Variants in NAALAD2 observed in about 807,000 individuals in gnomAD.
The protein encoded by NAALAD2 is N-acetylated alpha-linked acidic dipeptidase 2.
A neutral mutation model predicts 95.6 loss-of-function variants in NAALAD2; 89 were observed. That is an observed-to-expected ratio of 0.93 (90% CI 0.78 to 1.11). NAALAD2 has a LOEUF of 1.11. NAALAD2 is among the 50% of genes least tolerant of loss of function. The pLI, the probability that NAALAD2 is intolerant of heterozygous loss-of-function variation, is 0.00. For synonymous variants in NAALAD2, 264 were observed against 294.4 expected (o/e 0.90, Z 1.06); for missense variants, 894 against 872.4 (o/e 1.02, Z -0.31).
At chr11:90,169,991 AAAAT>A in intron 12 of NAALAD2, 74 bp from the exon 13 acceptor site, 2 of 902,118 alleles carry the variant, frequency 2.2e-6, no homozygotes, top group Non-Finnish European at 3.7e-6. Flanking sequence ...TTAAAATTAG[AAAAT>A]AAAGTTAGAA....
At chr11:90,134,970 ACT>A (rs1323878542) in intron 1 of NAALAD2, 130 bp downstream of exon 1, 38 of 921,978 alleles carry the variant, frequency 4.1e-5, no homozygotes, top group South Asian at 4.0e-4. Context: ...GATATGATAA[ACT>A]CTGCACATTT....
chr11:90,178,146 A>C (rs1041460307), intron 16 of NAALAD2, 29 bp downstream of exon 16: 1 of 1,584,428 alleles, frequency 6.3e-7, no homozygotes, highest in Non-Finnish European at 8.6e-7. Context: ...GATATTTTAC[A>C]GTCTTTAAGT....
chr11:90,143,270 C>G (rs909688104), intron 2 of NAALAD2, among the ~76,000 whole-genome samples: 1 of 152,038 alleles, frequency 6.6e-6, no homozygotes, highest in Admixed American at 6.6e-5. Flanking sequence ...AATGTGGAGT[C>G]TGATGGTGAC....
chr11:90,138,636 C>G (rs1464851476), intron 2 of NAALAD2, among the ~76,000 whole-genome samples: 1 of 151,182 alleles, frequency 6.6e-6, no homozygotes, highest in Non-Finnish European at 1.5e-5. Flanking sequence ...GTATTCATCT[C>G]CATCAAATCG....
intron 18 of NAALAD2, 94 bp downstream of exon 18, chr11:90,183,102 C>T: frequency 2.5e-6 from 2 of 784,804 alleles, no homozygotes; most frequent in Non-Finnish European, 2.3e-6. Flanking sequence ...GGGTGAAAGG[C>T]AAATATGTAC....
intron 16 of NAALAD2, among the ~76,000 whole-genome samples, chr11:90,179,128 A>G (rs1021531521): frequency 6.6e-6 from 1 of 152,238 alleles, no homozygotes; most frequent in Non-Finnish European, 1.5e-5. Context: ...TCAGTTTGGT[A>G]ATATATAGAA....
intron 5 of NAALAD2, 66 bp downstream of exon 5, chr11:90,150,673 C>T: frequency 7.6e-7 from 1 of 1,307,878 alleles, no homozygotes; most frequent in Non-Finnish European, 1.0e-6. Flanking sequence ...TGTAAATGAC[C>T]AACTTGCTTC....
chr11:90,160,605 A>C (rs370520433), intron 8 of NAALAD2, among the ~76,000 whole-genome samples: 80 of 152,278 alleles, frequency 5.3e-4, no homozygotes, highest in African/African-American at 1.8e-3. Flanking sequence ...TGCTCTTTTA[A>C]TTTGGGACTT....
intron 2 of NAALAD2, among the ~76,000 whole-genome samples, chr11:90,136,904 A>G (rs1951465220): frequency 6.6e-6 from 1 of 152,200 alleles, no homozygotes; most frequent in Non-Finnish European, 1.5e-5. Context: ...TTCCAAAGAG[A>G]TATGTGCACT....
intron 8 of NAALAD2, among the ~76,000 whole-genome samples, chr11:90,160,794 A>T (rs1952271568): frequency 6.6e-6 from 1 of 152,214 alleles, no homozygotes; most frequent in Admixed American, 6.5e-5. Flanking sequence ...AGGTCTAGAT[A>T]TAAAATAGCT....
intron 2 of NAALAD2, among the ~76,000 whole-genome samples, chr11:90,141,375 A>T (rs940017090): frequency 2.0e-5 from 3 of 152,268 alleles, no homozygotes; most frequent in African/African-American, 7.2e-5. Context: ...TATGTTTCCA[A>T]TTGTAGATCA....
intron 2 of NAALAD2, among the ~76,000 whole-genome samples, chr11:90,137,191 G>T (rs1194227646): frequency 6.6e-6 from 1 of 152,124 alleles, no homozygotes; most frequent in East Asian, 1.9e-4. Flanking sequence ...TAGAATGATG[G>T]TTACCAGAAA....
intron 4 of NAALAD2, among the ~76,000 whole-genome samples, chr11:90,149,358 C>T (rs748410080): frequency 2.6e-5 from 4 of 152,300 alleles, no homozygotes; most frequent in Middle Eastern, 3.4e-3. Context: ...AGTTGCCACT[C>T]TCTGAAATAA....
At chr11:90,133,747 GA>G (rs1951390352), upstream of NAALAD2, among the ~76,000 whole-genome samples, 1 of 152,220 alleles carries the variant, frequency 6.6e-6, no homozygotes, top group Admixed American at 6.5e-5. Flanking sequence ...GTTTGTAACA[GA>G]AGGCTGCCAG....
In NAALAD2 at chr11:90,152,486, T is replaced by C; in HGVS notation, c.796+2T>C. 1 of 1,605,412 alleles carries C rather than the reference T, an allele frequency of 6.2e-7. No homozygotes were observed. The highest frequency in any genetic ancestry group is 8.5e-7 in the Non-Finnish European group (1 of 1,173,358). ...TCACTCCAGGCTATCCAGCAAAAGG[T>C]AAGGGATGAGCCTATCAGTCCACCA... On this transcript the variant is annotated splice_donor_variant, in intron 6 of 18. Transcript: ENST00000534061. LOFTEE classifies it high-confidence loss of function.
At chr11:90,137,753 A>C (rs1951488167) in intron 2 of NAALAD2, among the ~76,000 whole-genome samples, 1 of 152,082 alleles carries the variant, frequency 6.6e-6, no homozygotes, top group Non-Finnish European at 1.5e-5. Context: ...ACAGACATGC[A>C]TCACCACACC....
At chr11:90,150,404 A>G in intron 4 of NAALAD2, 78 bp from the exon 5 acceptor site, 2 of 927,234 alleles carry the variant, frequency 2.2e-6, no homozygotes, top group Non-Finnish European at 3.1e-6. Context: ...ATGATGTAGT[A>G]TTGTGAAGCA....
In NAALAD2 at chr11:90,182,901, A is replaced by G. The variant is rs769645877; in HGVS notation, c.1941-15A>G. 3.8e-6 allele frequency: 6 copies of G among 1,565,788 alleles called. No individual in the cohort carries two copies. In the African/African-American group the frequency reaches 4.1e-5, roughly 11 times the overall value. ...TGCGGTTTGCGTTATAATTATGTAT[A>G]TGTTCTTCTCGAAGTCCCATTGCAG... On this transcript the variant is annotated splice_polypyrimidine_tract_variant and intron_variant, in intron 17 of 18. Transcript: ENST00000534061.
chr11:90,147,912 G>T (rs1951786372), intron 3 of NAALAD2, among the ~76,000 whole-genome samples: 1 of 152,186 alleles, frequency 6.6e-6, no homozygotes, highest in Non-Finnish European at 1.5e-5. Flanking sequence ...CTCAACAAAA[G>T]ACAAAATATT....
Sources: allele counts gnomAD v4.1 joint callset (sites outside exome capture counted in the v4.1 genomes callset), GRCh38; gene constraint gnomAD v4.1.1; transcripts MANE v1.5; gene names NCBI Gene and HGNC (gene_info 2026-07-23, HGNC 2026-07-21).